COPS3: variants seen among roughly 807,000 people sequenced by gnomAD.
COPS3 encodes the protein COP9 signalosome complex subunit 3.
Under a neutral mutation model 58.2 loss-of-function variants are expected in COPS3, and 10 were observed. The ratio of observed to expected loss-of-function variants is 0.17; its 90% confidence interval spans 0.11 to 0.29. The LOEUF is 0.29. Among genes scored for constraint, COPS3 ranks in the 10% least tolerant of loss-of-function variants. The probability of loss-of-function intolerance (pLI) is 1.00; values close to 1 mark genes in which losing one functional copy is unlikely to be tolerated. For synonymous variants in COPS3, 187 were observed against 181.7 expected, an observed-to-expected ratio of 1.03 and a Z score of -0.24; for missense variants, 333 against 510.1, an observed-to-expected ratio of 0.65 and a Z score of 3.34.
chr17:17,267,310 AG>A (rs1427607756), intron 5 of COPS3, among the ~76,000 whole-genome samples: 2 of 140,434 alleles, frequency 1.4e-5, no homozygotes, highest in East Asian at 4.3e-4. Flanking sequence ...CCTGGGCGAC[AG>A]AGCAAGACTC....
At chr17:17,274,416 A>ATTAGATAATATCCAT (rs71152858) in intron 2 of COPS3, among the ~76,000 whole-genome samples, 96,749 of 149,214 alleles carry the variant, frequency 0.65, 31,886 homozygotes, top group East Asian at 0.85. Context: ...AGAAATTATG[A>ATTAGATAATATCCAT]TTAGCTTTTC....
chr17:17,280,916 G>C, intron 1 of COPS3: 1 of 896,308 alleles, frequency 1.1e-6, no homozygotes, highest in Non-Finnish European at 1.6e-6. Context: ...CCCGAGGGAG[G>C]GGAGGCCGGC....
Position 17,267,977 on chromosome 17 carries a change from G to T in COPS3, c.349C>A (p.Pro117Thr). The change falls in exon 5 of 12, where the codon CCC becomes ACC. Residue 117 changes from proline to threonine, a missense_variant and splice_region_variant. Transcript: ENST00000268717. ...TTAAGGATGCCAATTCCTCGCAGGG[G>T]CTGTCAGAAATGACATCTCTTTCAG... Reference protein sequence around the residue: ...LTNALVERKQPLRGIGILKQA... With the variant: ...LTNALVERKQTLRGIGILKQA... 1 of 1,613,524 alleles carries T rather than the reference G, an allele frequency of 6.2e-7. No individual in the cohort carries two copies.
At chr17:17,259,900 G>GAAA (rs34177884) in intron 8 of COPS3, among the ~76,000 whole-genome samples, 46 of 147,250 alleles carry the variant, frequency 3.1e-4, no homozygotes, top group African/African-American at 1.0e-3. Context: ...TGTCAAGAGA[G>GAAA]AAAAAAAAAA....
At chr17:17,261,872 C>T in intron 7 of COPS3, 94 bp downstream of exon 7, 1 of 1,079,556 alleles carries the variant, frequency 9.3e-7, no homozygotes, top group Non-Finnish European at 1.3e-6. Flanking sequence ...AGAGCTAAAT[C>T]AGTATAAAAC....
At chr17:17,271,684 T>A (rs920750740) in intron 2 of COPS3, among the ~76,000 whole-genome samples, 25 of 149,648 alleles carry the variant, frequency 1.7e-4, no homozygotes, top group African/African-American at 5.9e-4. Flanking sequence ...TAGCCGGGCG[T>A]GGTGGTGCAT....
At position 17,273,232 on chromosome 17, in the gene COPS3, C is replaced by T. The variant is rs560934585; in HGVS notation, c.186-2224G>A. 5.3e-5 allele frequency among the ~76,000 whole-genome samples: 8 copies of T among 152,266 alleles called. No homozygotes were observed. In the South Asian group the frequency reaches 1.7e-3, roughly 32 times the overall value. On this transcript the variant is annotated intron_variant, in intron 2 of 11. Coordinates refer to ENST00000268717, the MANE Select transcript of COPS3 (RefSeq NM_003653.4). The stretch of plus-strand genomic sequence containing the variant: ...AGAAGCTTTGTCAGAATGGAAGGAT[C>T]TAGAGTTATGCTCTGCAGTATGGTG...
At chr17:17,279,019 C>T (rs1007756094) in intron 1 of COPS3, among the ~76,000 whole-genome samples, 3 of 151,144 alleles carry the variant, frequency 2.0e-5, no homozygotes, top group Admixed American at 6.6e-5. Flanking sequence ...AGATTACAGG[C>T]GCCCGCCACC....
At chr17:17,251,955 G>C (rs921631577) in intron 9 of COPS3, among the ~76,000 whole-genome samples, 1 of 152,022 alleles carries the variant, frequency 6.6e-6, no homozygotes, top group Non-Finnish European at 1.5e-5. Context: ...TGTAGTCCCA[G>C]CTACTCGGGA....
At chr17:17,258,595 A>G (rs1446367292) in intron 8 of COPS3, among the ~76,000 whole-genome samples, 2 of 151,834 alleles carry the variant, frequency 1.3e-5, no homozygotes, top group Non-Finnish European at 2.9e-5. Flanking sequence ...TCACAAACAG[A>G]GTTTGTGTTT....
intron 8 of COPS3, among the ~76,000 whole-genome samples, chr17:17,255,485 C>CAAAAAA (rs10529108): frequency 3.1e-5 from 4 of 129,030 alleles, no homozygotes; most frequent in Admixed American, 2.4e-4. Flanking sequence ...GACTCTATTT[C>CAAAAAA]AAAAAAAAAA....
In COPS3 at chr17:17,246,785, C is replaced by G; in HGVS notation, c.*313G>C. 6.8e-6 allele frequency: 2 copies of G among 292,062 alleles called. No homozygotes were observed. The highest frequency in any genetic ancestry group is 9.1e-5 in the Admixed American group (2 of 22,084). 18.1% of individuals were successfully genotyped at this position (292,062 alleles called of 1,614,324 possible). A position where few individuals can be genotyped will look rare whatever the true frequency, so the allele number is the denominator to read the frequency against. On this transcript the variant is annotated 3_prime_UTR_variant, in exon 12 of 12. Coordinates refer to ENST00000268717, the MANE Select transcript of COPS3 (RefSeq NM_003653.4). ...TCACAATGAATGTGCTTATTAAAAA[C>G]TTCAGAGGAGAAAAAAGTGATACAG...
At chr17:17,274,750 C>G (rs12450037) in intron 2 of COPS3, among the ~76,000 whole-genome samples, 1 of 150,026 alleles carries the variant, frequency 6.7e-6, no homozygotes, top group African/African-American at 2.5e-5. Flanking sequence ...ACATTTCAAT[C>G]GTGCTTTTTT....
intron 7 of COPS3, among the ~76,000 whole-genome samples, chr17:17,261,004 G>C (rs181573254): frequency 2.6e-5 from 4 of 152,260 alleles, no homozygotes; most frequent in Non-Finnish European, 4.4e-5. Flanking sequence ...AGTCACTATG[G>C]AGTAATTCAT....
At chr17:17,263,891 C>A (rs2048165776) in intron 6 of COPS3, among the ~76,000 whole-genome samples, 1 of 152,220 alleles carries the variant, frequency 6.6e-6, no homozygotes, top group Non-Finnish European at 1.5e-5. Flanking sequence ...TATTTGGCTA[C>A]AGCAATGATA....
chr17:17,281,237 C>G lies in COPS3; in HGVS notation c.-51G>C, dbSNP rs746126016. 5 of 1,578,468 alleles carry G rather than the reference C, an allele frequency of 3.2e-6. No homozygotes were observed. The Middle Eastern group carries it at 5.0e-4, about 158-fold the overall frequency. On this transcript the variant is annotated 5_prime_UTR_variant, in exon 1 of 12. Transcript: ENST00000268717. ...CGAAGGCAGCACGCGCGGGAAAAGG[C>G]TGCCGCTCTGGGAGGAGGGGCCGCG...
intron 8 of COPS3, among the ~76,000 whole-genome samples, chr17:17,256,086 G>C (rs1257973113): frequency 6.7e-6 from 1 of 150,124 alleles, no homozygotes; most frequent in Non-Finnish European, 1.5e-5. Context: ...GGCTGAGGCA[G>C]GAGAATGGCG....
rs1370169641 is a variant in COPS3, at chr17:17,262,010, G to C, written c.718C>G (p.Gln240Glu). ...VSLILLGKVQ[Q>E]LPKYTSQIVG... is the part of the protein sequence containing the mutation. The stretch of plus-strand genomic sequence containing the variant: ...ATTTGAGATGTATATTTTGGTAGCT[G>C]TTGTACTTTGCCAAGTAATATCAAA... Residue 240 changes from glutamine (Q) to glutamate (E), a missense_variant, in exon 7 of 12, where the codon CAG becomes GAG. Coordinates refer to ENST00000268717, the MANE Select transcript of COPS3 (RefSeq NM_003653.4). The C allele has an allele frequency of 6.2e-7, 1 of 1,605,404 alleles. No homozygotes were observed. The highest frequency in any genetic ancestry group is 8.5e-7 in the Non-Finnish European group (1 of 1,174,712).
Position 17,254,933 on chromosome 17 carries a change from G to A in COPS3, c.949C>T (p.Leu317=), listed in dbSNP as rs1172953012. 1 of 1,612,252 alleles carries A rather than the reference G, an allele frequency of 6.2e-7. No homozygotes were observed. The highest frequency in any genetic ancestry group is 1.1e-5 in the South Asian group (1 of 91,004). ...IQRLTKTFLT[L]SLQDMASRVQ... ...CGACTTGCCATATCTTGTAATGATA[G>A]AGTTAAAAAGGTCTGAAAGTCAGAA... The change falls in exon 9 of 12, where the codon CTA becomes TTA. Residue 317 remains leucine, a synonymous_variant. Transcript: ENST00000268717.
Sources: gnomAD v4.1 joint callset for allele counts (sites outside exome capture counted in the v4.1 genomes callset) on GRCh38, gnomAD v4.1.1 for gene constraint, MANE v1.5 for transcripts, NCBI Gene and HGNC (gene_info 2026-07-23, HGNC 2026-07-21) for gene names.